The following PDE1A variants were observed in gnomAD, a reference collection of about 807,000 sequenced individuals.
The protein encoded by PDE1A is phosphodiesterase 1A.
A neutral mutation model predicts 61.7 loss-of-function variants in PDE1A; 35 were observed. That is an observed-to-expected ratio of 0.57 (90% CI 0.43 to 0.75). PDE1A has a LOEUF of 0.75. Ranked by LOEUF, PDE1A falls within the 30% of genes least tolerant of loss-of-function variation. The pLI is 0.00. For missense variants in PDE1A, 597 were observed against 630.6 expected (o/e 0.95, Z 0.57); for synonymous variants, 232 against 213.2 (o/e 1.09, Z -0.77).
chr2:182,415,185 T>C (rs1702841855), intron 1 of PDE1A, among the ~76,000 whole-genome samples: 1 of 152,078 alleles, frequency 6.6e-6, no homozygotes, highest in Non-Finnish European at 1.5e-5. Context: ...AGAGAGAAAA[T>C]AGCCTTCTGA....
At chr2:182,400,777 C>A (rs1701957928) in intron 1 of PDE1A, among the ~76,000 whole-genome samples, 1 of 152,166 alleles carries the variant, frequency 6.6e-6, no homozygotes, top group Non-Finnish European at 1.5e-5. Flanking sequence ...AAGAGAAGGA[C>A]CACTTGCTGG....
intron 1 of PDE1A, among the ~76,000 whole-genome samples, chr2:182,356,193 C>G (rs186264991): frequency 2.2e-4 from 34 of 151,930 alleles, no homozygotes; most frequent in Non-Finnish European, 4.1e-4. Context: ...GTGCATAATC[C>G]CAGCACTTTG....
At chr2:182,499,489 G>C (rs571024890) in intron 2 of PDE1A, among the ~76,000 whole-genome samples, 1 of 152,240 alleles carries the variant, frequency 6.6e-6, no homozygotes, top group South Asian at 2.1e-4. Context: ...CTCCCAAAGG[G>C]CTGGGATTAC....
downstream of PDE1A, among the ~76,000 whole-genome samples, chr2:182,145,164 A>T (rs1690429049): frequency 6.6e-6 from 1 of 152,210 alleles, no homozygotes; most frequent in Non-Finnish European, 1.5e-5. Context: ...GCACCAATTA[A>T]CTTTGACATA....
chr2:182,201,670 A>AC lies in PDE1A; in HGVS notation c.1004+17_1004+18insG, dbSNP rs753658823. On this transcript the variant is annotated intron_variant, in intron 9 of 13. Transcript: ENST00000351439. ...CATGACAAAAAAAAAAAAACAACAA[A>AC]AAAAACACAAAACCTACCCTTCAGG... 3.1e-5 allele frequency: 47 copies of AC among 1,522,326 alleles called. No homozygotes were observed. The African/African-American group carries it at 6.3e-4, about 20-fold the overall frequency. The allele number at this position is 1,522,326 out of a possible 1,614,324, so 94.3% of individuals were successfully genotyped here. A position where few individuals can be genotyped will look rare whatever the true frequency, so the allele number is the denominator to read the frequency against.
the PDE1A span, among the ~76,000 whole-genome samples, chr2:182,529,552 T>C: frequency 6.6e-6 from 1 of 152,192 alleles, no homozygotes; most frequent in Non-Finnish European, 1.5e-5. Context: ...TGGGGGACTG[T>C]TGAGAAGGCA....
In PDE1A at chr2:182,504,885, C is replaced by T. The variant is rs543230212; in HGVS notation, c.101+17391G>A. ...AAACTTGAGAAATGTTAAAATTGTT[C>T]AATTACATTGGAAAACTTCAAGATT... On this transcript the variant is annotated intron_variant, in intron 2 of 14. Coordinates refer to the PDE1A transcript ENST00000410103. 2.6e-5 allele frequency among the ~76,000 whole-genome samples: 4 copies of T among 152,292 alleles called. No homozygotes were observed. In the East Asian group the frequency reaches 7.7e-4, roughly 29 times the overall value.
chr2:182,685,813 G>C, the PDE1A span, among the ~76,000 whole-genome samples: 1 of 152,112 alleles, frequency 6.6e-6, no homozygotes, highest in Non-Finnish European at 1.5e-5. Flanking sequence ...CCCATCTTAT[G>C]TGTCCAATAT....
chr2:182,698,961 A>G, the PDE1A span, among the ~76,000 whole-genome samples: 1 of 152,310 alleles, frequency 6.6e-6, no homozygotes, highest in Non-Finnish European at 1.5e-5. Flanking sequence ...CTCCCAAGGA[A>G]TGGCTACAGA....
chr2:182,326,282 A>G (rs1697041897), intron 1 of PDE1A, among the ~76,000 whole-genome samples: 1 of 152,240 alleles, frequency 6.6e-6, no homozygotes, highest in African/African-American at 2.4e-5. Context: ...TTATAGTACC[A>G]TTACTCGTAA....
At chr2:182,244,836 G>T (rs1690831411) in intron 2 of PDE1A, among the ~76,000 whole-genome samples, 1 of 152,208 alleles carries the variant, frequency 6.6e-6, no homozygotes, top group Non-Finnish European at 1.5e-5. Context: ...CAGCAGAAAA[G>T]AAGTGAATCT....
At chr2:182,580,446 G>A in the PDE1A span, among the ~76,000 whole-genome samples, 1 of 152,068 alleles carries the variant, frequency 6.6e-6, no homozygotes, top group East Asian at 1.9e-4. Context: ...TCTTCTTATA[G>A]AGATACTAGT....
chr2:182,205,050 C>T (rs1158917484), intron 8 of PDE1A, among the ~76,000 whole-genome samples: 1 of 151,970 alleles, frequency 6.6e-6, no homozygotes, highest in Non-Finnish European at 1.5e-5. Context: ...TTGGATATTT[C>T]TTTTTACCTT....
the PDE1A span, among the ~76,000 whole-genome samples, chr2:182,628,106 C>T: frequency 6.6e-6 from 1 of 151,794 alleles, no homozygotes; most frequent in East Asian, 1.9e-4. Flanking sequence ...AAAATGGAAC[C>T]CTAGTGACCT....
chr2:182,500,989 T>C lies in PDE1A; in HGVS notation c.101+21287A>G, dbSNP rs146890782. 1.3e-3 allele frequency among the ~76,000 whole-genome samples: 197 copies of C among 152,354 alleles called. 1 individual carries two copies. Among genetic ancestry groups the C allele is most frequent in the African/African-American group, 4.6e-3 (191 of 41,584 alleles). On this transcript the variant is annotated intron_variant, in intron 2 of 14. Transcript: ENST00000410103. ...GTGTATGTGTGTAGCTATTTTGTTA[T>C]AAAATTTCAACCAAAACGAACTTCA...
intron 2 of PDE1A, among the ~76,000 whole-genome samples, chr2:182,262,129 C>CCTTT (rs72416982): frequency 1.3e-5 from 2 of 151,830 alleles, no homozygotes; most frequent in South Asian, 2.1e-4. Flanking sequence ...CTTTCTTTCT[C>CCTTT]CTTTCTTTCT....
the PDE1A span, among the ~76,000 whole-genome samples, chr2:182,589,575 C>A: frequency 7.2e-5 from 11 of 152,276 alleles, 1 homozygote; most frequent in Middle Eastern, 6.8e-3. Flanking sequence ...ATCCAAGCCT[C>A]ATCCAGGAAA....
chr2:182,206,056 A>T, exon 8 of PDE1A: 1 of 1,609,218 alleles, frequency 6.2e-7, no homozygotes, highest in Non-Finnish European at 8.5e-7. Flanking sequence ...ACAAAATGGC[A>T]ACATCTGACC....
chr2:182,443,186 A>C (rs114060959), intron 2 of PDE1A, among the ~76,000 whole-genome samples: 4,864 of 151,968 alleles, frequency 0.032, 114 homozygotes, highest in Middle Eastern at 0.075. Context: ...TTATGTATAC[A>C]CACATTATCT....
Sources: gnomAD v4.1 joint callset for allele counts (sites outside exome capture counted in the v4.1 genomes callset) on GRCh38, gnomAD v4.1.1 for gene constraint, MANE v1.5 for transcripts, NCBI Gene and HGNC (gene_info 2026-07-23, HGNC 2026-07-21) for gene names.